Variants in CYP11A1 observed in about 807,000 individuals in gnomAD.
CYP11A1 encodes cytochrome P450 family 11 subfamily A member 1.
CYP11A1 carries 25 observed loss-of-function variants against 51.9 expected under a neutral mutation model. The ratio of observed to expected loss-of-function variants is 0.48; its 90% CI spans 0.35 to 0.67. The LOEUF (loss-of-function observed/expected upper bound fraction) is 0.67. Ranked by LOEUF, CYP11A1 falls within the 30% of genes least tolerant of loss-of-function variation. The probability of loss-of-function intolerance (pLI) is 0.00; values close to 1 mark genes in which losing one functional copy is unlikely to be tolerated. For missense variants in CYP11A1, 578 were observed against 680.9 expected, an observed-to-expected ratio of 0.85 and a Z score of 1.68; for synonymous variants, 245 against 262.1, an observed-to-expected ratio of 0.93 and a Z score of 0.63.
rs1004621798 is a variant in CYP11A1, at chr15:74,338,741, G to C, written c.1264C>G (p.Leu422Val). The C allele has an allele frequency of 6.2e-7, 1 of 1,614,060 alleles. No homozygotes were observed. Among genetic ancestry groups the C allele is most frequent in the Non-Finnish European group, 8.5e-7 (1 of 1,180,032 alleles). ...AAGAAGAAGGTGGGCTCTCGGCCCAGAGCATAGATGGCCACTTGCACCAGT... is the reference window on the plus strand; with the variant it reads ...AAGAAGAAGGTGGGCTCTCGGCCCACAGCATAGATGGCCACTTGCACCAGT... ...KTLVQVAIYA[L>V]GREPTFFFDP... Residue 422 changes from leucine (L) to valine (V), a missense_variant, in exon 8 of 9, where the codon CTG (leucine) becomes GTG (valine). Leu to Val is a conservative substitution (Grantham distance 32). Coordinates refer to ENST00000268053, the MANE Select transcript of CYP11A1 (RefSeq NM_000781.3).
Position 74,367,543 on chromosome 15 carries a change from C to T in CYP11A1, c.43G>A (p.Gly15Ser), listed in dbSNP as rs11544450. ...GGGGCACTCAGAAAGGTCTGGCAGC[C>T]TTTGACCAGGACTGAGCGTGGGGGA... The part of the protein sequence containing the change: ...GLPPRSVLVK[G>S]CQTFLSAPRE... Residue 15 changes from glycine (G) to serine (S), a missense_variant, in exon 1 of 9, where the codon GGC becomes AGC. Gly to Ser is a moderately conservative substitution (Grantham distance 56). Coordinates refer to ENST00000268053, the MANE Select transcript of CYP11A1 (RefSeq NM_000781.3). 6.2e-7 allele frequency: 1 copy of T among 1,614,186 alleles called. No homozygotes were observed. Among genetic ancestry groups the T allele is most frequent in the Non-Finnish European group, 8.5e-7 (1 of 1,180,026 alleles).
chr15:74,360,333 T>C (rs888775717), intron 1 of CYP11A1, among the ~76,000 whole-genome samples: 3 of 151,934 alleles, frequency 2.0e-5, no homozygotes, highest in South Asian at 4.2e-4. Flanking sequence ...CAGGCTGGAG[T>C]GCAGTGGCGC....
At chr15:74,361,634 G>C in intron 1 of CYP11A1, 1 of 1,195,802 alleles carries the variant, frequency 8.4e-7, no homozygotes, top group East Asian at 2.6e-5. Flanking sequence ...TTGCAGACAA[G>C]ATTCCAAAAA....
intron 2 of CYP11A1, among the ~76,000 whole-genome samples, chr15:74,346,463 G>A (rs1216316599): frequency 2.0e-5 from 3 of 152,000 alleles, no homozygotes; most frequent in Non-Finnish European, 4.4e-5. Flanking sequence ...ATTGCTGTGG[G>A]AGACTGAGTC....
At position 74,344,007 on chromosome 15, in the gene CYP11A1, A is replaced by G. The variant is rs2060621168; in HGVS notation, c.626-15T>C. ...GTTAGTGATGGCTGCAGGGAGAGGA[A>G]GAGGCTGAGGAGCCATTTCTGACGG... On this transcript the variant is annotated splice_polypyrimidine_tract_variant and intron_variant, in intron 3 of 8. Transcript: ENST00000268053. 6.2e-7 allele frequency: 1 copy of G among 1,613,296 alleles called. No individual in the cohort carries two copies. Among genetic ancestry groups the G allele is most frequent in the Non-Finnish European group, 8.5e-7 (1 of 1,179,504 alleles).
At chr15:74,347,180 G>A (rs529804722) in intron 2 of CYP11A1, among the ~76,000 whole-genome samples, 144 of 152,124 alleles carry the variant, frequency 9.5e-4, no homozygotes, top group African/African-American at 3.3e-3. Context: ...AGGCTGAAGC[G>A]GGAAGATTGC....
chr15:74,350,074 A>C lies in CYP11A1; in HGVS notation c.270-2019T>G, dbSNP rs41546519. On this transcript the variant is annotated intron_variant, in intron 1 of 8. Transcript: ENST00000268053. ...ACATCACTTTCTCTTAAAATATAAA[A>C]TAATTTTATATTAGAGAGAGAAAAA... The C allele has an allele frequency of 2.8e-5, 10 of 357,190 alleles. No individual in the cohort carries two copies. The East Asian group carries it at 1.0e-3, about 37-fold the overall frequency. 22.1% of individuals were successfully genotyped at this position (357,190 alleles called of 1,614,324 possible). A position where few individuals can be genotyped will look rare whatever the true frequency, so the allele number is the denominator to read the frequency against.
At chr15:74,362,700 C>T (rs2060714516) in intron 1 of CYP11A1, 1 of 152,236 alleles carries the variant, frequency 6.6e-6, no homozygotes, top group Non-Finnish European at 1.5e-5. Context: ...CCCAAGTTCA[C>T]AGATTAAGAC....
intron 1 of CYP11A1, among the ~76,000 whole-genome samples, chr15:74,358,984 C>T (rs2060694311): frequency 6.6e-6 from 1 of 152,202 alleles, no homozygotes; most frequent in Non-Finnish European, 1.5e-5. Flanking sequence ...AACTCACCAA[C>T]CAAACAAGTA....
chr15:74,366,348 A>G (rs2060733322), intron 1 of CYP11A1: 1 of 764,140 alleles, frequency 1.3e-6, no homozygotes, highest in Non-Finnish European at 1.6e-6. Flanking sequence ...CAGTGACATG[A>G]TCTCGGCTCA....
Position 74,348,032 on chromosome 15 carries a change from G to A in CYP11A1, c.293C>T (p.Ser98Leu). The A allele has an allele frequency of 9.9e-6, 16 of 1,614,204 alleles. No homozygotes were observed. The highest frequency in any genetic ancestry group is 1.2e-5 in the Non-Finnish European group (14 of 1,180,030). Residue 98 changes from serine to leucine, a missense_variant, in exon 2 of 9, where the codon TCG (serine) becomes TTG (leucine). Ser to Leu is a moderately radical substitution (Grantham distance 145, BLOSUM62 -2). Transcript: ENST00000268053. ...ATCTTCAGGGTCGATGACATAAACCGACTCCACGTTGCCGAGCTTCTCCCT... is the reference window on the plus strand; with the variant it reads ...ATCTTCAGGGTCGATGACATAAACCAACTCCACGTTGCCGAGCTTCTCCCT... ...IYREKLGNVE[S>L]VYVIDPEDVA...
intron 1 of CYP11A1, among the ~76,000 whole-genome samples, chr15:74,357,050 C>T (rs537256770): frequency 7.9e-5 from 12 of 152,316 alleles, no homozygotes; most frequent in East Asian, 5.8e-4. Flanking sequence ...ACAGGTCTTA[C>T]AGGTTAGTGC....
At chr15:74,344,323 C>G (rs1383406821) in intron 3 of CYP11A1, among the ~76,000 whole-genome samples, 1 of 152,202 alleles carries the variant, frequency 6.6e-6, no homozygotes, top group Admixed American at 6.5e-5. Context: ...GATTCCTCAT[C>G]TGTAATTGGC....
chr15:74,345,364 A>G lies in CYP11A1; in HGVS notation c.426-121T>C. 1 of 1,037,756 alleles carries G rather than the reference A, an allele frequency of 9.6e-7. No homozygotes were observed. The highest frequency in any genetic ancestry group is 1.6e-5 in the African/African-American group (1 of 63,170). The allele number at this position is 1,037,756 out of a possible 1,614,324, so 64.3% of individuals were successfully genotyped here. On this transcript the variant is annotated intron_variant, in intron 2 of 8. Transcript: ENST00000268053. This position sits in a 1 kb window ranked among gnomAD's most constrained non-coding sequence, Gnocchi z 4.3. ...ACAGCTCACAGCATCCAGCACTCCC[A>G]CCAGGGCCTCTGCCCTCACCTCTCC...
At chr15:74,350,156 A>C (rs1424510768) in intron 1 of CYP11A1, 2 of 386,490 alleles carry the variant, frequency 5.2e-6, no homozygotes, top group African/African-American at 4.4e-5. Context: ...TATGTAGTAT[A>C]TTCACATACC....
intron 1 of CYP11A1, chr15:74,365,602 G>A: frequency 1.2e-6 from 1 of 861,446 alleles, no homozygotes; most frequent in Non-Finnish European, 1.4e-6. Flanking sequence ...ATCTGGGGAA[G>A]GTTGAGGCCT....
At chr15:74,344,818 G>A in intron 3 of CYP11A1, 1 of 596,312 alleles carries the variant, frequency 1.7e-6, no homozygotes. Context: ...CCAGATGAGA[G>A]AGAATGCCAG....
intron 1 of CYP11A1, chr15:74,364,123 C>G (rs1164146519): frequency 6.5e-6 from 1 of 152,826 alleles, no homozygotes; most frequent in Non-Finnish European, 1.5e-5. Context: ...GACCATCAAG[C>G]TTCAGATGAT....
At chr15:74,346,650 G>T (rs2060634375) in intron 2 of CYP11A1, among the ~76,000 whole-genome samples, 1 of 152,092 alleles carries the variant, frequency 6.6e-6, no homozygotes, top group Non-Finnish European at 1.5e-5. Context: ...CTATGTCACA[G>T]GTATGCAAAT....
Sources: gnomAD v4.1 joint callset for allele counts (sites outside exome capture counted in the v4.1 genomes callset) on GRCh38, gnomAD v4.1.1 for gene constraint, Gnocchi (gnomAD v3.1) non-coding constraint, MANE v1.5 for transcripts, NCBI Gene and HGNC (gene_info 2026-07-23, HGNC 2026-07-21) for gene names.